The following ADAMTSL3 variants were observed in gnomAD, a reference collection of about 807,000 sequenced individuals.
The protein encoded by ADAMTSL3 is ADAMTS-like protein 3.
A neutral mutation model predicts 201.7 loss-of-function variants in ADAMTSL3; 128 were observed. The observed-to-expected ratio is 0.63, with a 90% CI of 0.55 to 0.73. The LOEUF (loss-of-function observed/expected upper bound fraction) is 0.73, where lower values mean the gene tolerates loss of function less well. ADAMTSL3 is among the 30% of genes least tolerant of loss of function. The probability of loss-of-function intolerance (pLI) is 0.00; values close to 1 mark genes in which losing one functional copy is unlikely to be tolerated. For missense variants in ADAMTSL3, 1,990 were observed against 2,119.6 expected (o/e 0.94, Z 1.20); for synonymous variants, 738 against 748.4 (o/e 0.99, Z 0.23).
intron 2 of ADAMTSL3, among the ~76,000 whole-genome samples, chr15:83,674,241 A>G (rs1054615244): frequency 1.3e-5 from 2 of 151,832 alleles, no homozygotes; most frequent in Admixed American, 6.6e-5. Flanking sequence ...TAAGTAAATG[A>G]TCCATTTTGA....
At chr15:83,869,687 G>T (rs1430665330) in intron 8 of ADAMTSL3, among the ~76,000 whole-genome samples, 1 of 152,136 alleles carries the variant, frequency 6.6e-6, no homozygotes, top group East Asian at 1.9e-4. Flanking sequence ...CGATTTTGTT[G>T]CATTTTATCA....
At chr15:83,666,737 A>G (rs1031095875) in intron 2 of ADAMTSL3, among the ~76,000 whole-genome samples, 5 of 152,010 alleles carry the variant, frequency 3.3e-5, no homozygotes, top group Non-Finnish European at 7.4e-5. Context: ...CAGCTACTTG[A>G]AAGGCTGAAG....
At chr15:84,009,093 C>T (rs1382740094) in intron 23 of ADAMTSL3, among the ~76,000 whole-genome samples, 2 of 152,196 alleles carry the variant, frequency 1.3e-5, no homozygotes, top group African/African-American at 2.4e-5. Flanking sequence ...CTGCCTCTGC[C>T]CTTGCCCCCT....
intron 3 of ADAMTSL3, among the ~76,000 whole-genome samples, chr15:83,755,759 ATT>A (rs993342178): frequency 2.1e-5 from 3 of 144,206 alleles, no homozygotes; most frequent in Admixed American, 6.9e-5. Flanking sequence ...CCTGCTTTCA[ATT>A]TTTTTTTTTT....
intron 3 of ADAMTSL3, among the ~76,000 whole-genome samples, chr15:83,731,790 A>G (rs562487199): frequency 1.4e-4 from 22 of 152,182 alleles, no homozygotes; most frequent in South Asian, 6.2e-4. Flanking sequence ...TTGCAACAAC[A>G]TGAATGGACC....
At chr15:83,819,145 C>CTA (rs1324795594) in intron 5 of ADAMTSL3, among the ~76,000 whole-genome samples, 1 of 151,490 alleles carries the variant, frequency 6.6e-6, no homozygotes, top group Non-Finnish European at 1.5e-5. Context: ...TGGCGGGCGC[C>CTA]TGTAGTCCCA....
At chr15:83,966,542 T>C (rs1243759410) in intron 19 of ADAMTSL3, among the ~76,000 whole-genome samples, 4 of 152,130 alleles carry the variant, frequency 2.6e-5, no homozygotes, top group African/African-American at 9.7e-5. Flanking sequence ...ATTAATAGCC[T>C]ACCAACCACA....
intron 4 of ADAMTSL3, among the ~76,000 whole-genome samples, chr15:83,801,651 A>AATAAATATATATAT (rs2063518782): frequency 1.3e-4 from 4 of 31,270 alleles, no homozygotes; most frequent in Non-Finnish European, 2.0e-4. Context: ...TATAAATATA[A>AATAAATATATATAT]ATATATATAT....
intron 2 of ADAMTSL3, among the ~76,000 whole-genome samples, chr15:83,688,975 A>G (rs990113544): frequency 4.6e-5 from 7 of 151,730 alleles, no homozygotes; most frequent in Admixed American, 4.6e-4. Context: ...CAGCAGGCTA[A>G]TTTTTTTGTT....
In ADAMTSL3 at chr15:84,012,257, G is replaced by C. The variant is rs1484942288; in HGVS notation, c.3974-2285G>C. Among the ~76,000 whole-genome samples the C allele has an allele frequency of 2.0e-5, 3 of 152,194 alleles. No homozygotes were observed. In the East Asian group the frequency reaches 5.8e-4, roughly 29 times the overall value. ...TTACACTTAGAGTATCTAAGGCCAA[G>C]ATCAAGGTGGTGGCATGGCTGCATT... On this transcript the variant is annotated intron_variant, in intron 23 of 29. Coordinates refer to ENST00000286744, the MANE Select transcript of ADAMTSL3 (RefSeq NM_207517.3).
intron 27 of ADAMTSL3, among the ~76,000 whole-genome samples, chr15:84,026,345 A>C (rs2068307171): frequency 2.6e-5 from 4 of 152,234 alleles, no homozygotes; most frequent in Admixed American, 2.0e-4. Flanking sequence ...GAAAGCTGTA[A>C]GACTTATTAT....
chr15:83,706,273 A>G (rs2061849867), intron 3 of ADAMTSL3, among the ~76,000 whole-genome samples: 1 of 152,178 alleles, frequency 6.6e-6, no homozygotes, highest in Admixed American at 6.5e-5. Context: ...TTTATATTTA[A>G]CATAATAACA....
At chr15:83,850,999 A>G (rs1375829686) in intron 7 of ADAMTSL3, among the ~76,000 whole-genome samples, 1 of 152,106 alleles carries the variant, frequency 6.6e-6, no homozygotes, top group Non-Finnish European at 1.5e-5. Context: ...TATCAGCATC[A>G]CCTGGGAGGC....
At chr15:83,916,763 T>C (rs188267850) in intron 16 of ADAMTSL3, among the ~76,000 whole-genome samples, 1 of 148,000 alleles carries the variant, frequency 6.8e-6, no homozygotes, top group Admixed American at 6.9e-5. Context: ...CTGGGCAACA[T>C]AGCAAGACCC....
At chr15:83,813,997 G>A (rs1486631491) in intron 5 of ADAMTSL3, among the ~76,000 whole-genome samples, 1 of 152,178 alleles carries the variant, frequency 6.6e-6, no homozygotes, top group Non-Finnish European at 1.5e-5. Context: ...TAAGATAAGT[G>A]TATCATAATT....
At chr15:84,011,269 G>T in intron 23 of ADAMTSL3, among the ~76,000 whole-genome samples, 1 of 152,154 alleles carries the variant, frequency 6.6e-6, no homozygotes. Flanking sequence ...AAATTTTCTT[G>T]TAGGCTAGAA....
At chr15:83,655,911 T>C (rs2061077161) in intron 2 of ADAMTSL3, 81 bp downstream of exon 2, 2 of 1,374,214 alleles carry the variant, frequency 1.5e-6, no homozygotes, top group South Asian at 2.5e-5. Context: ...CCACCTAAGA[T>C]GTGGCATGAT....
chr15:83,866,738 A>G (rs1360778071), intron 8 of ADAMTSL3, among the ~76,000 whole-genome samples: 1 of 152,214 alleles, frequency 6.6e-6, no homozygotes, highest in East Asian at 1.9e-4. Context: ...GTGTATGTGT[A>G]TCCTAAAACT....
At chr15:83,817,450 T>C (rs2063787240) in intron 5 of ADAMTSL3, among the ~76,000 whole-genome samples, 1 of 152,048 alleles carries the variant, frequency 6.6e-6, no homozygotes, top group South Asian at 2.1e-4. Flanking sequence ...CAGAGCAGAG[T>C]GGGAAAACAT....
Sources: allele counts gnomAD v4.1 joint callset (sites outside exome capture counted in the v4.1 genomes callset), GRCh38; gene constraint gnomAD v4.1.1; transcripts MANE v1.5; gene names NCBI Gene and HGNC (gene_info 2026-07-23, HGNC 2026-07-21).